Variants in TAB1 observed in about 807,000 individuals in gnomAD.
TAB1 encodes the protein TGF-beta-activated kinase 1 and MAP3K7-binding protein 1.
In TAB1, 30 loss-of-function variants were observed where a neutral mutation model predicts 54.5. The ratio of observed to expected loss-of-function variants is 0.55; its 90% CI spans 0.41 to 0.75. TAB1 has a LOEUF of 0.75. TAB1 is among the 30% of genes least tolerant of loss of function. The pLI, the probability that TAB1 is intolerant of heterozygous loss-of-function variation, is 0.00. For synonymous variants in TAB1, 289 were observed against 286.9 expected (o/e 1.01, Z -0.07); for missense variants, 609 against 683.2 (o/e 0.89, Z 1.21).
chr22:39,431,889 T>C (rs1453145429), downstream of TAB1: 1 of 985,234 alleles, frequency 1.0e-6, no homozygotes, highest in Admixed American at 6.1e-5. Flanking sequence ...TTAATAGCGC[T>C]GTTGCTCATG....
chr22:39,418,661 C>T, intron 5 of TAB1, 71 bp from the exon 6 acceptor site: 1 of 1,197,404 alleles, frequency 8.4e-7, no homozygotes, highest in Non-Finnish European at 1.2e-6. Context: ...CCTTTTCCCT[C>T]TCTGCCTTCC....
At position 39,415,887 on chromosome 22, in the gene TAB1, G is replaced by C. The variant is rs1926812937; in HGVS notation, c.324+234G>C. Among the ~76,000 whole-genome samples the C allele has an allele frequency of 6.6e-6, 1 of 152,342 alleles. No individual in the cohort carries two copies. The highest frequency in any genetic ancestry group is 2.4e-5 in the African/African-American group (1 of 41,576). The stretch of plus-strand genomic sequence containing the variant: ...GAGGAGGTACTGCTGGAGACGGGGG[G>C]ATTTAGGGATGGGAGCTTGGAGAGA... On this transcript the variant is annotated intron_variant, in intron 3 of 10. Coordinates refer to ENST00000216160, the MANE Select transcript of TAB1 (RefSeq NM_006116.3). The surrounding 1 kb of genome is among the most constrained non-coding windows in gnomAD (Gnocchi z 4.9).
At position 39,430,394 on chromosome 22, in the gene TAB1, C is replaced by T. The variant is rs1927536057; in HGVS notation, c.*172C>T. ...TAGAGTGTGTGAGTGCAGACTGGACCTGTGGTTCATACCTTGTCACCACCC... is the reference window on the plus strand; with the variant it reads ...TAGAGTGTGTGAGTGCAGACTGGACTTGTGGTTCATACCTTGTCACCACCC... On this transcript the variant is annotated 3_prime_UTR_variant, in exon 11 of 11. Coordinates refer to ENST00000216160, the MANE Select transcript of TAB1 (RefSeq NM_006116.3). 9 of 1,451,680 alleles carry T rather than the reference C, an allele frequency of 6.2e-6. No homozygotes were observed. The highest frequency in any genetic ancestry group is 4.2e-5 in the South Asian group (3 of 71,940). The allele number at this position is 1,451,680 out of a possible 1,614,324, so 89.9% of individuals were successfully genotyped here. A position where few individuals can be genotyped will look rare whatever the true frequency, so the allele number is the denominator to read the frequency against.
chr22:39,415,149 G>T lies in TAB1; in HGVS notation c.170+7G>T, dbSNP rs758163399. On this transcript the variant is annotated splice_region_variant and intron_variant, in intron 2 of 10. Transcript: ENST00000216160. The surrounding 1 kb of genome is among the most constrained non-coding windows in gnomAD (Gnocchi z 4.9). ...ACAGCTGGCTCAAGTTCAGGTGTGT[G>T]TGCCAGCATTTCTGTGTTGGGCCCG... 10 of 1,568,586 alleles carry T rather than the reference G, an allele frequency of 6.4e-6. No individual in the cohort carries two copies. The highest frequency in any genetic ancestry group is 8.7e-6 in the Non-Finnish European group (10 of 1,153,324).
chr22:39,420,682 A>G (rs1927030763), intron 7 of TAB1, among the ~76,000 whole-genome samples: 1 of 151,460 alleles, frequency 6.6e-6, no homozygotes, highest in Admixed American at 6.6e-5. Context: ...CCTACACCAC[A>G]CTCTAGGACT....
At chr22:39,405,356 G>A (rs1926315256) in intron 1 of TAB1, among the ~76,000 whole-genome samples, 1 of 152,250 alleles carries the variant, frequency 6.6e-6, no homozygotes, top group African/African-American at 2.4e-5. Flanking sequence ...TCAAAATTAG[G>A]TCTTTTGAAA....
chr22:39,411,196 A>C (rs576257066), intron 1 of TAB1, among the ~76,000 whole-genome samples: 1 of 152,234 alleles, frequency 6.6e-6, no homozygotes, highest in African/African-American at 2.4e-5. Flanking sequence ...ATATAAAACT[A>C]TAAAACTTTT....
intron 8 of TAB1, among the ~76,000 whole-genome samples, chr22:39,424,438 CTTTTTTTT>C (rs762665225): frequency 3.4e-5 from 3 of 89,472 alleles, no homozygotes. Context: ...GTTCTGATTT[CTTTTTTTT>C]TTTTTTTTTT....
chr22:39,413,445 TCA>T (rs911092466), intron 1 of TAB1, among the ~76,000 whole-genome samples: 5 of 151,654 alleles, frequency 3.3e-5, no homozygotes, highest in African/African-American at 9.7e-5. Flanking sequence ...AGACAGAATC[TCA>T]CTCTTGTCGC....
In TAB1 at chr22:39,405,794, T is replaced by A. The variant is rs182104465; in HGVS notation, c.33+5959T>A. Among the ~76,000 whole-genome samples, 33 of 152,276 alleles carry A rather than the reference T, an allele frequency of 2.2e-4. No homozygotes were observed. The East Asian group carries it at 4.2e-3, about 20-fold the overall frequency. On this transcript the variant is annotated intron_variant, in intron 1 of 10. Transcript: ENST00000216160. ...GATGGAAAGGGACGGGAGAACACGA[T>A]CCAAGCCTACTCAGCTGCAGCAGCG... is the stretch of plus-strand genomic sequence containing the variant.
chr22:39,410,705 A>T (rs1675619980), intron 1 of TAB1, among the ~76,000 whole-genome samples: 1 of 152,210 alleles, frequency 6.6e-6, no homozygotes. Context: ...CCCAGTGAAG[A>T]CATAAATAAG....
intron 4 of TAB1, among the ~76,000 whole-genome samples, chr22:39,417,290 T>C (rs1259020354): frequency 6.6e-6 from 1 of 152,172 alleles, no homozygotes; most frequent in Non-Finnish European, 1.5e-5. Context: ...GGACCATCTG[T>C]CTGTCTGTCC....
At chr22:39,409,105 C>T (rs1048396757) in intron 1 of TAB1, among the ~76,000 whole-genome samples, 2 of 152,196 alleles carry the variant, frequency 1.3e-5, no homozygotes, top group African/African-American at 4.8e-5. Flanking sequence ...ATCTTTTCCT[C>T]CCATGCTTTA....
At chr22:39,400,899 TG>T (rs1926107251) in intron 1 of TAB1, among the ~76,000 whole-genome samples, 3 of 151,290 alleles carry the variant, frequency 2.0e-5, no homozygotes. Context: ...CCGAGCGTGG[TG>T]GGGGCGCCTG....
At chr22:39,428,598 A>G (rs968688643) in intron 10 of TAB1, among the ~76,000 whole-genome samples, 2 of 152,134 alleles carry the variant, frequency 1.3e-5, no homozygotes, top group African/African-American at 4.8e-5. Context: ...GTTTTGGGGC[A>G]GGGGGCGAGG....
intron 10 of TAB1, among the ~76,000 whole-genome samples, chr22:39,429,659 T>C (rs1302347948): frequency 1.3e-5 from 2 of 152,134 alleles, no homozygotes; most frequent in African/African-American, 4.8e-5. Context: ...TTTTTGTATT[T>C]TTAGTAGAGA....
chr22:39,423,497 C>G (rs1215592246), intron 8 of TAB1, among the ~76,000 whole-genome samples: 1 of 152,134 alleles, frequency 6.6e-6, no homozygotes, highest in Non-Finnish European at 1.5e-5. Flanking sequence ...CCCAGCTACT[C>G]AGGAGGCTGA....
intron 5 of TAB1, 51 bp downstream of exon 5, chr22:39,417,900 C>T: frequency 1.3e-6 from 2 of 1,552,458 alleles, no homozygotes; most frequent in Non-Finnish European, 1.7e-6. Context: ...AGGTCAGCCA[C>T]AGGGGTCGGT....
chr22:39,423,357 G>T (rs573343462), intron 8 of TAB1, among the ~76,000 whole-genome samples: 103 of 152,256 alleles, frequency 6.8e-4, no homozygotes, highest in Non-Finnish European at 1.2e-3. Flanking sequence ...GTAATCCCAG[G>T]ACTTTGGGAA....
Sources: allele counts gnomAD v4.1 joint callset (sites outside exome capture counted in the v4.1 genomes callset), GRCh38; gene constraint gnomAD v4.1.1; non-coding constraint Gnocchi (gnomAD v3.1); transcripts MANE v1.5; gene names NCBI Gene and HGNC (gene_info 2026-07-23, HGNC 2026-07-21).